The following LYPD6 variants were observed in gnomAD, a reference collection of about 807,000 sequenced individuals.
The protein encoded by LYPD6 is LY6/PLAUR domain containing 6, also known as ly6/PLAUR domain-containing protein 6.
In LYPD6, 15 loss-of-function variants were observed where a neutral mutation model predicts 22.7. The observed-to-expected ratio is 0.66, with a 90% CI of 0.44 to 1.02. The LOEUF (loss-of-function observed/expected upper bound fraction) is 1.02. Ranked by LOEUF, LYPD6 falls within the 50% of genes least tolerant of loss-of-function variation. LYPD6 has a pLI of 0.00. For synonymous variants in LYPD6, 72 were observed against 77.5 expected (o/e 0.93, Z 0.37); for missense variants, 189 against 208.4 (o/e 0.91, Z 0.57).
intron 1 of LYPD6, among the ~76,000 whole-genome samples, chr2:149,331,144 G>A (rs1467391157): frequency 6.6e-6 from 1 of 152,164 alleles, no homozygotes; most frequent in Non-Finnish European, 1.5e-5. Context: ...GTTGCTGCGG[G>A]GCGGGGGGCA....
At chr2:149,357,850 A>G (rs1223388769) in intron 1 of LYPD6, among the ~76,000 whole-genome samples, 1 of 149,450 alleles carries the variant, frequency 6.7e-6, no homozygotes, top group Non-Finnish European at 1.5e-5. Flanking sequence ...CAGTGGCACA[A>G]TTTCGGCTCA....
intron 1 of LYPD6, among the ~76,000 whole-genome samples, chr2:149,416,749 C>T (rs914855536): frequency 4.6e-5 from 7 of 152,268 alleles, no homozygotes; most frequent in South Asian, 2.1e-4. Flanking sequence ...GACAGCACCC[C>T]GTGGAGGACT....
intron 1 of LYPD6, among the ~76,000 whole-genome samples, chr2:149,359,589 G>A (rs1681530488): frequency 6.6e-6 from 1 of 152,208 alleles, no homozygotes; most frequent in Non-Finnish European, 1.5e-5. Flanking sequence ...CATCACTTGA[G>A]TGACTTGACA....
chr2:149,424,550 A>G (rs1683150911), intron 1 of LYPD6, among the ~76,000 whole-genome samples: 1 of 152,224 alleles, frequency 6.6e-6, no homozygotes, highest in African/African-American at 2.4e-5. Flanking sequence ...TAAGGCCTGT[A>G]GCCACCTTAG....
intron 1 of LYPD6, among the ~76,000 whole-genome samples, chr2:149,384,557 C>T (rs371676403): frequency 6.6e-4 from 100 of 152,188 alleles, no homozygotes; most frequent in African/African-American, 2.3e-3. Context: ...TTTGACATGG[C>T]GCCTACCACA....
intron 1 of LYPD6, among the ~76,000 whole-genome samples, chr2:149,405,067 C>A (rs1682665226): frequency 6.6e-6 from 1 of 152,200 alleles, no homozygotes. Flanking sequence ...ACCAGCCTTG[C>A]ATCCCAGAGA....
chr2:149,360,200 A>C (rs1216878952), intron 1 of LYPD6, among the ~76,000 whole-genome samples: 1 of 152,218 alleles, frequency 6.6e-6, no homozygotes, highest in African/African-American at 2.4e-5. Context: ...AGTGAGGACG[A>C]CTGGAGGTCA....
At position 149,468,130 on chromosome 2, in the gene LYPD6, C is replaced by G. The variant is rs972491483; in HGVS notation, c.218-515C>G. 5.7e-5 allele frequency among the ~76,000 whole-genome samples: 8 copies of G among 140,706 alleles called. No individual in the cohort carries two copies. The East Asian group carries it at 1.8e-3, about 32-fold the overall frequency. 92.3% of individuals were successfully genotyped at this position (140,706 alleles called of 152,430 possible). A position where few individuals can be genotyped will look rare whatever the true frequency, so the allele number is the denominator to read the frequency against. ...TGCTCTTGTGAATAGCTGCTTCCCCCCAACACACACACACACACACACACA... is the reference window on the plus strand; with the variant it reads ...TGCTCTTGTGAATAGCTGCTTCCCCGCAACACACACACACACACACACACA... On this transcript the variant is annotated intron_variant, in intron 3 of 4. Coordinates refer to ENST00000334166, the MANE Select transcript of LYPD6 (RefSeq NM_194317.5).
chr2:149,469,869 C>T, intron 4 of LYPD6, among the ~76,000 whole-genome samples: 1 of 152,154 alleles, frequency 6.6e-6, no homozygotes, highest in East Asian at 1.9e-4. Flanking sequence ...GACTTCCTGG[C>T]ACGTGTCACT....
At chr2:149,427,170 T>C (rs1195592370) in intron 1 of LYPD6, among the ~76,000 whole-genome samples, 4 of 152,192 alleles carry the variant, frequency 2.6e-5, no homozygotes, top group African/African-American at 9.7e-5. Flanking sequence ...TAATCTAATG[T>C]TAGATTTGGA....
the LYPD6 span, among the ~76,000 whole-genome samples, chr2:149,481,023 T>C: frequency 1.3e-5 from 2 of 152,198 alleles, no homozygotes; most frequent in Non-Finnish European, 2.9e-5. Flanking sequence ...TCCACAAGTG[T>C]CGATGCCAAG....
At chr2:149,367,008 C>A (rs1681685267) in intron 1 of LYPD6, among the ~76,000 whole-genome samples, 1 of 152,048 alleles carries the variant, frequency 6.6e-6, no homozygotes, top group Admixed American at 6.6e-5. Flanking sequence ...TGCTGGCTTC[C>A]TATGTAACTG....
At chr2:149,475,233 C>G (rs773162597), downstream of LYPD6, among the ~76,000 whole-genome samples, 1 of 152,084 alleles carries the variant, frequency 6.6e-6, no homozygotes, top group Non-Finnish European at 1.5e-5. Flanking sequence ...TTTAACTTAC[C>G]TACTAGGAGT....
chr2:149,345,337 C>T (rs1453315392), intron 1 of LYPD6, among the ~76,000 whole-genome samples: 3 of 146,104 alleles, frequency 2.1e-5, no homozygotes, highest in African/African-American at 5.2e-5. Flanking sequence ...GACGGAGCCT[C>T]GCTTTGTTGC....
At chr2:149,463,356 C>T (rs1465196515) in intron 3 of LYPD6, among the ~76,000 whole-genome samples, 1 of 151,730 alleles carries the variant, frequency 6.6e-6, no homozygotes, top group Non-Finnish European at 1.5e-5. Context: ...ATCAGAATAC[C>T]TAAAATAAAG....
At chr2:149,474,425 C>T (rs1681415780), downstream of LYPD6, among the ~76,000 whole-genome samples, 1 of 152,146 alleles carries the variant, frequency 6.6e-6, no homozygotes, top group African/African-American at 2.4e-5. Context: ...CCAGCCTAGC[C>T]TCAAACTCTG....
intron 4 of LYPD6, 61 bp from the exon 5 acceptor site, chr2:149,470,622 A>C: frequency 6.6e-7 from 1 of 1,521,596 alleles, no homozygotes; most frequent in East Asian, 2.3e-5. Context: ...GCCTTCAAAA[A>C]CCCTGCCTCC....
chr2:149,347,727 A>G (rs1307756291), intron 1 of LYPD6, among the ~76,000 whole-genome samples: 1 of 152,200 alleles, frequency 6.6e-6, no homozygotes, highest in Non-Finnish European at 1.5e-5. Flanking sequence ...TCATACTTGA[A>G]CAGAGATTAT....
At chr2:149,425,777 T>G (rs765818738) in intron 1 of LYPD6, among the ~76,000 whole-genome samples, 2 of 152,202 alleles carry the variant, frequency 1.3e-5, no homozygotes, top group Non-Finnish European at 2.9e-5. Context: ...TTTTTTGCCT[T>G]CAAATGCAGG....
Sources: gnomAD v4.1 joint callset for allele counts (sites outside exome capture counted in the v4.1 genomes callset) on GRCh38, gnomAD v4.1.1 for gene constraint, MANE v1.5 for transcripts, NCBI Gene and HGNC (gene_info 2026-07-23, HGNC 2026-07-21) for gene names.